The following LRP1 variants were observed in gnomAD, a reference collection of about 807,000 sequenced individuals.
LRP1 encodes prolow-density lipoprotein receptor-related protein 1.
In LRP1, 51 loss-of-function variants were observed where a neutral mutation model predicts 541.5. That is an observed-to-expected ratio of 0.09 (90% CI 0.08 to 0.12). LRP1 has a LOEUF of 0.12. LRP1 is among the 10% of genes least tolerant of loss of function. LRP1 has a pLI of 1.00. For synonymous variants in LRP1, 2,219 were observed against 2,470.8 expected (o/e 0.90, Z 3.02); for missense variants, 3,878 against 6,376.2 (o/e 0.61, Z 13.34).
chr12:57,153,312 G>C (rs955710683), intron 6 of LRP1, among the ~76,000 whole-genome samples: 5 of 152,044 alleles, frequency 3.3e-5, no homozygotes, highest in Non-Finnish European at 5.9e-5. Context: ...CTTGACTTCC[G>C]GCCACCCTTG....
chr12:57,205,540 C>T lies in LRP1; in HGVS notation c.11471-18C>T, dbSNP rs1332951642. 5.0e-6 allele frequency: 8 copies of T among 1,613,836 alleles called. No homozygotes were observed. The highest frequency in any genetic ancestry group is 6.8e-6 in the Non-Finnish European group (8 of 1,179,980). The stretch of plus-strand genomic sequence containing the variant: ...CACCCCAACTGTGGACTCTCATGAC[C>T]CTCCCTGTAACCCTTAGACATCAAC... On this transcript the variant is annotated intron_variant, in intron 74 of 88. Transcript: ENST00000243077. The surrounding 1 kb of genome is among the most constrained non-coding windows in gnomAD (Gnocchi z 4.6).
intron 55 of LRP1, 128 bp downstream of exon 55, chr12:57,196,405 T>C (rs943765832): frequency 6.2e-6 from 6 of 969,636 alleles, no homozygotes; most frequent in Non-Finnish European, 9.0e-6. Flanking sequence ...AGAAATCTGC[T>C]TGGTTGGGGT....
intron 20 of LRP1, among the ~76,000 whole-genome samples, chr12:57,172,583 T>TC (rs2035968838): frequency 6.6e-6 from 1 of 152,192 alleles, no homozygotes; most frequent in African/African-American, 2.4e-5. Flanking sequence ...CACTCGCTCT[T>TC]CATGCAGGCC....
rs1433951567 is a variant in LRP1, at chr12:57,160,930, G to C, written c.2017G>C (p.Asp673His). Residue 673 changes from aspartate to histidine, a missense_variant, in exon 13 of 89, where the codon GAC becomes CAC. Transcript: ENST00000243077. ...YWTDWEEDPK[D>H]SRRGRLERAW... Reference sequence around the variant, plus strand: ...GACAGACTGGGAGGAGGACCCCAAGGACAGTCGGCGTGGGCGGCTGGAGAG... The same window carrying C: ...GACAGACTGGGAGGAGGACCCCAAGCACAGTCGGCGTGGGCGGCTGGAGAG... The C allele has an allele frequency of 6.2e-7, 1 of 1,613,952 alleles. No individual in the cohort carries two copies. The highest frequency in any genetic ancestry group is 2.2e-5 in the East Asian group (1 of 44,872).
chr12:57,209,821 G>T lies in LRP1; in HGVS notation c.12392G>T (p.Ser4131Ile). The change falls in exon 80 of 89, where the codon AGC becomes ATC. Residue 4131 changes from serine to isoleucine, a missense_variant. Transcript: ENST00000243077. ...SPLVNLTGGL[S>I]HASDVVLYHQ... The stretch of plus-strand genomic sequence containing the variant: ...TTGGTCAACCTGACAGGGGGCCTGA[G>T]CCACGCCTCTGACGTGGTCCTTTAC... 6.2e-7 allele frequency: 1 copy of T among 1,614,200 alleles called. No individual in the cohort carries two copies. Among genetic ancestry groups the T allele is most frequent in the South Asian group, 1.1e-5 (1 of 91,088 alleles).
chr12:57,187,011 C>A (rs73344636), intron 41 of LRP1, among the ~76,000 whole-genome samples: 12 of 152,344 alleles, frequency 7.9e-5, no homozygotes, highest in African/African-American at 2.9e-4. Context: ...TGCAAACACA[C>A]CAGAAAGCCC....
At position 57,159,896 on chromosome 12, in the gene LRP1, A is replaced by C; in HGVS notation, c.1870A>C (p.Lys624Gln). 2 of 1,614,200 alleles carry C rather than the reference A, an allele frequency of 1.2e-6. No homozygotes were observed. The highest frequency in any genetic ancestry group is 1.7e-6 in the Non-Finnish European group (2 of 1,180,034). The change falls in exon 12 of 89, where the codon AAA becomes CAA. Residue 624 changes from lysine to glutamine, a missense_variant. By Grantham distance (53) the Lys-to-Gln change is moderately conservative (BLOSUM62 1). Transcript: ENST00000243077. ...TCTGTACTGGACGGACGATGGGCCCAAAAAGACAATCAGCGTGGCCAGGCT... is the reference window on the plus strand; with the variant it reads ...TCTGTACTGGACGGACGATGGGCCCCAAAAGACAATCAGCGTGGCCAGGCT... ...DNLYWTDDGP[K>Q]KTISVARLEK...
intron 1 of LRP1, among the ~76,000 whole-genome samples, chr12:57,136,084 A>G (rs1393494312): frequency 2.0e-5 from 3 of 152,212 alleles, no homozygotes; most frequent in Non-Finnish European, 4.4e-5. Flanking sequence ...ACGGCTGGTC[A>G]GGGGAAGCGG....
At chr12:57,160,834 CAG>C in intron 12 of LRP1, 57 bp from the exon 13 acceptor site, 1 of 1,364,810 alleles carries the variant, frequency 7.3e-7, no homozygotes, top group Non-Finnish European at 1.0e-6. Flanking sequence ...ATTGGGATCA[CAG>C]GGGAGGCTGT....
intron 70 of LRP1, 137 bp downstream of exon 70, chr12:57,203,658 C>T: frequency 8.8e-7 from 1 of 1,133,478 alleles, no homozygotes; most frequent in Non-Finnish European, 1.2e-6. Context: ...TACCATGTAC[C>T]AGGCACTGCC....
intron 6 of LRP1, chr12:57,149,817 C>G (rs2035491849): frequency 8.6e-6 from 6 of 697,316 alleles, no homozygotes. Flanking sequence ...AGCAGAGCTT[C>G]TGCCAGGCTC....
rs148351227 is a variant in LRP1, at chr12:57,162,704, C to T, written c.2405-154C>T. On this transcript the variant is annotated intron_variant, in intron 14 of 88. Transcript: ENST00000243077. This position sits in a 1 kb window ranked among gnomAD's most constrained non-coding sequence, Gnocchi z 5.2. ...CTGTTCCCCATTTCCCTTCCTGCCC[C>T]ATGTCTGTGTCTCCTGTTCTTCAAC... is the stretch of plus-strand genomic sequence containing the variant. 6.6e-6 allele frequency among the ~76,000 whole-genome samples: 1 copy of T among 152,270 alleles called. No individual in the cohort carries two copies. The highest frequency in any genetic ancestry group is 1.9e-4 in the East Asian group (1 of 5,182).
In LRP1 at chr12:57,187,164, C is replaced by T. The variant is rs1309019411; in HGVS notation, c.6842-103C>T. 6.5e-6 allele frequency: 8 copies of T among 1,230,238 alleles called. No individual in the cohort carries two copies. In the East Asian group the frequency reaches 9.9e-5, roughly 15 times the overall value. The allele number at this position is 1,230,238 out of a possible 1,614,324, so 76.2% of individuals were successfully genotyped here. ...TTGCACTCCCATACCCCACACTTCG[C>T]CTTCCAGCCAGGAGAGCACCTGCCC... On this transcript the variant is annotated intron_variant, in intron 41 of 88. Transcript: ENST00000243077.
In LRP1 at chr12:57,212,729, A is replaced by C; in HGVS notation, c.*174A>C. 1 of 684,878 alleles carries C rather than the reference A, an allele frequency of 1.5e-6. No individual in the cohort carries two copies. The highest frequency in any genetic ancestry group is 2.0e-5 in the South Asian group (1 of 49,378). The allele number at this position is 684,878 out of a possible 1,614,324, so 42.4% of individuals were successfully genotyped here. On this transcript the variant is annotated 3_prime_UTR_variant, in exon 89 of 89. Coordinates refer to ENST00000243077, the MANE Select transcript of LRP1 (RefSeq NM_002332.3). This position sits in a 1 kb window ranked among gnomAD's most constrained non-coding sequence, Gnocchi z 5.0. ...CAAGCCGGCAAGCGAGCACAGTATT[A>C]TTTCTCCATCCCCTCCCTGCCTGCT...
In LRP1 at chr12:57,209,883, G is replaced by A. The variant is rs562625150; in HGVS notation, c.12439+15G>A. The A allele has an allele frequency of 3.7e-6, 6 of 1,611,422 alleles. No homozygotes were observed. The African/African-American group carries it at 5.3e-5, about 14-fold the overall frequency. On this transcript the variant is annotated intron_variant, in intron 80 of 88. Transcript: ENST00000243077. ...GCAGCCCGAAGGTGGGGGCAGAGGG[G>A]AGCCTGGGCTGGGGAAGGGAGGCCT...
intron 1 of LRP1, among the ~76,000 whole-genome samples, chr12:57,137,992 G>T (rs530583308): frequency 6.6e-6 from 1 of 152,250 alleles, no homozygotes; most frequent in South Asian, 2.1e-4. Flanking sequence ...TGGGTCAGGG[G>T]ACCAGGAGTG....
In LRP1 at chr12:57,154,808, G is replaced by C; in HGVS notation, c.1227+107G>C. The C allele has an allele frequency of 1.9e-6, 2 of 1,030,438 alleles. No individual in the cohort carries two copies. The highest frequency in any genetic ancestry group is 5.2e-5 in the East Asian group (2 of 38,524). The allele number at this position is 1,030,438 out of a possible 1,614,324, so 63.8% of individuals were successfully genotyped here. A position where few individuals can be genotyped will look rare whatever the true frequency, so the allele number is the denominator to read the frequency against. ...ACCGTTCTCTGAGTCTCCTGGTAAA[G>C]AGCGTGGATGCCCCAGGCCTCTAGT... On this transcript the variant is annotated intron_variant, in intron 8 of 88. Coordinates refer to ENST00000243077, the MANE Select transcript of LRP1 (RefSeq NM_002332.3). This position sits in a 1 kb window ranked among gnomAD's most constrained non-coding sequence, Gnocchi z 4.6.
At position 57,167,460 on chromosome 12, in the gene LRP1, C is replaced by T. The variant is rs1414049434; in HGVS notation, c.2931C>T (p.Phe977=). The T allele has an allele frequency of 4.3e-6, 7 of 1,613,788 alleles. No homozygotes were observed. In the African/African-American group the frequency reaches 9.3e-5, roughly 22 times the overall value. ...ESASCAYPTC[F]PLTQFTCNNG... ...TCCTCACAGCCTATCCCACCTGCTT[C>T]CCCCTGACTCAGTTTACCTGCAACA... Residue 977 remains phenylalanine, a synonymous_variant, in exon 19 of 89, where the codon TTC becomes TTT. Transcript: ENST00000243077.
Position 57,206,408 on chromosome 12 carries a change from A to T in LRP1, c.11591-65A>T. 6.6e-7 allele frequency: 1 copy of T among 1,522,622 alleles called. No homozygotes were observed. Among genetic ancestry groups the T allele is most frequent in the Non-Finnish European group, 9.0e-7 (1 of 1,107,948 alleles). 94.3% of individuals were successfully genotyped at this position (1,522,622 alleles called of 1,614,324 possible). On this transcript the variant is annotated intron_variant, in intron 75 of 88. Coordinates refer to ENST00000243077, the MANE Select transcript of LRP1 (RefSeq NM_002332.3). This position sits in a 1 kb window ranked among gnomAD's most constrained non-coding sequence, Gnocchi z 4.7. ...GATGGGACAGTGTTCATGTGAAAGG[A>T]GCTGAGCTGGGTGGGGTGCACACCT...
Sources: allele counts gnomAD v4.1 joint callset (sites outside exome capture counted in the v4.1 genomes callset), GRCh38; gene constraint gnomAD v4.1.1; non-coding constraint Gnocchi (gnomAD v3.1); transcripts MANE v1.5; gene names NCBI Gene and HGNC (gene_info 2026-07-23, HGNC 2026-07-21).